SH3GLB1: variants seen among roughly 807,000 people sequenced by gnomAD.
The protein encoded by SH3GLB1 is SH3 domain containing GRB2 like, endophilin B1.
SH3GLB1 carries 17 observed loss-of-function variants against 42.0 expected under a neutral mutation model. The ratio of observed to expected loss-of-function variants is 0.40; its 90% confidence interval spans 0.28 to 0.61. The LOEUF (loss-of-function observed/expected upper bound fraction) is 0.61, where lower values mean the gene tolerates loss of function less well. Ranked by LOEUF, SH3GLB1 falls within the 20% of genes least tolerant of loss-of-function variation. The pLI is 0.36. For synonymous variants in SH3GLB1, 132 were observed against 146.6 expected, an observed-to-expected ratio of 0.90 and a Z score of 0.72; for missense variants, 355 against 426.3, an observed-to-expected ratio of 0.83 and a Z score of 1.47.
At chr1:86,740,744 C>T (rs377197737) in intron 7 of SH3GLB1, among the ~76,000 whole-genome samples, 2 of 152,002 alleles carry the variant, frequency 1.3e-5, no homozygotes, top group South Asian at 2.1e-4. Context: ...GAGAAGAGTT[C>T]GAGGATCTAA....
Position 86,722,667 on chromosome 1 carries a change from A to C in SH3GLB1, c.471A>C (p.Thr157=), listed in dbSNP as rs747802933. ...LRNFIEGDYK[T]IAKERKLLQN... ...ACTTTATAGAAGGAGATTACAAAAC[A>C]ATTGCTGTGAGTTGAAAAATGTCCC... The change falls in exon 4 of 9, where the codon ACA becomes ACC. Residue 157 remains threonine (T), a synonymous_variant. Transcript: ENST00000370558. 6.3e-7 allele frequency: 1 copy of C among 1,595,622 alleles called. No homozygotes were observed. Among genetic ancestry groups the C allele is most frequent in the Non-Finnish European group, 8.5e-7 (1 of 1,173,156 alleles).
At chr1:86,734,960 A>G (rs1299537925) in intron 6 of SH3GLB1, 119 bp from the exon 7 acceptor site, 3 of 736,152 alleles carry the variant, frequency 4.1e-6, no homozygotes, top group Non-Finnish European at 7.0e-6. Context: ...TAAGCCTTGT[A>G]GTAAAATGTT....
Position 86,746,379 on chromosome 1 carries a change from T to C in SH3GLB1, c.*3144T>C, listed in dbSNP as rs568045614. On this transcript the variant is annotated 3_prime_UTR_variant, in exon 9 of 9. Transcript: ENST00000370558. ...CCCAAACACCTGAAATTCTGAAATA[T>C]TGCCCTACTATTTAGCACTTTAAGC... 2.0e-5 allele frequency: 3 copies of C among 152,314 alleles called. No homozygotes were observed. The highest frequency in any genetic ancestry group is 7.2e-5 in the African/African-American group (3 of 41,560). 9.4% of individuals were successfully genotyped at this position (152,314 alleles called of 1,614,324 possible).
At chr1:86,741,215 A>T (rs1249132769) in intron 7 of SH3GLB1, among the ~76,000 whole-genome samples, 2 of 152,134 alleles carry the variant, frequency 1.3e-5, no homozygotes, top group Admixed American at 6.5e-5. Flanking sequence ...GAGGTTAAGG[A>T]TACAGGGAAT....
At chr1:86,707,282 G>T (rs940145372) in intron 1 of SH3GLB1, among the ~76,000 whole-genome samples, 2 of 152,062 alleles carry the variant, frequency 1.3e-5, no homozygotes, top group African/African-American at 4.8e-5. Context: ...GACAGACCTA[G>T]TTTTTTTTGG....
chr1:86,726,150 A>C (rs1042128701), intron 5 of SH3GLB1, among the ~76,000 whole-genome samples: 11 of 152,140 alleles, frequency 7.2e-5, no homozygotes, highest in Non-Finnish European at 1.3e-4. Flanking sequence ...TAGATATTTT[A>C]ACTGGGACAG....
chr1:86,735,968 T>C (rs1365502520), intron 7 of SH3GLB1, among the ~76,000 whole-genome samples: 2 of 152,144 alleles, frequency 1.3e-5, no homozygotes, highest in Admixed American at 1.3e-4. Flanking sequence ...TCTAGCAGAG[T>C]TTCCCAGGTG....
At chr1:86,709,281 A>G (rs1329449958) in intron 1 of SH3GLB1, among the ~76,000 whole-genome samples, 1 of 152,194 alleles carries the variant, frequency 6.6e-6, no homozygotes, top group Admixed American at 6.5e-5. Flanking sequence ...CTTTTATATC[A>G]TTTTAGCCAG....
intron 6 of SH3GLB1, 146 bp from the exon 7 acceptor site, chr1:86,734,933 A>G: frequency 1.5e-6 from 1 of 666,024 alleles, no homozygotes; most frequent in Non-Finnish European, 2.6e-6. Flanking sequence ...TGTACTATTC[A>G]CGAAGGCCAA....
chr1:86,707,574 T>A (rs955030350), intron 1 of SH3GLB1, among the ~76,000 whole-genome samples: 1 of 152,142 alleles, frequency 6.6e-6, no homozygotes, highest in African/African-American at 2.4e-5. Context: ...TGTCTGTAAT[T>A]GTTAGAGATA....
chr1:86,736,202 T>G (rs1467990498), intron 7 of SH3GLB1, among the ~76,000 whole-genome samples: 1 of 152,110 alleles, frequency 6.6e-6, no homozygotes, highest in Non-Finnish European at 1.5e-5. Context: ...TAAAGTAAGT[T>G]GTTGTAAGGA....
At chr1:86,714,926 C>G (rs1326645200) in intron 1 of SH3GLB1, among the ~76,000 whole-genome samples, 1 of 152,176 alleles carries the variant, frequency 6.6e-6, no homozygotes, top group Non-Finnish European at 1.5e-5. Context: ...GCTACCTTTT[C>G]TCAAATACCA....
At chr1:86,722,726 T>C in intron 4 of SH3GLB1, 53 bp downstream of exon 4, 1 of 1,439,116 alleles carries the variant, frequency 6.9e-7, no homozygotes, top group Non-Finnish European at 9.3e-7. Flanking sequence ...ATATATATAC[T>C]TTTTAATGAA....
intron 5 of SH3GLB1, among the ~76,000 whole-genome samples, chr1:86,732,903 T>C (rs1035011374): frequency 6.6e-6 from 1 of 152,170 alleles, no homozygotes; most frequent in African/African-American, 2.4e-5. Context: ...TAAACCGTAC[T>C]TTGACAATCA....
intron 7 of SH3GLB1, among the ~76,000 whole-genome samples, chr1:86,738,252 G>GTTTTGT (rs374999845): frequency 1.9e-5 from 2 of 103,154 alleles, no homozygotes; most frequent in African/African-American, 1.2e-4. Flanking sequence ...TTTTTTGTTT[G>GTTTTGT]TTTGTTTTGT....
Position 86,743,386 on chromosome 1 carries a change from C to T in SH3GLB1, c.*151C>T, listed in dbSNP as rs982538121. 7 of 424,890 alleles carry T rather than the reference C, an allele frequency of 1.6e-5. No homozygotes were observed. The South Asian group carries it at 2.3e-4, about 14-fold the overall frequency. 26.3% of individuals were successfully genotyped at this position (424,890 alleles called of 1,614,324 possible). On this transcript the variant is annotated 3_prime_UTR_variant, in exon 9 of 9. Transcript: ENST00000370558. ...ACTGGCCTTTCTGCCAATAAAGTTG[C>T]ATGGTAAATATTTCATTACAGAATT...
At position 86,743,307 on chromosome 1, in the gene SH3GLB1, T is replaced by G; in HGVS notation, c.*72T>G. 1 of 1,000,126 alleles carries G rather than the reference T, an allele frequency of 1.0e-6. No homozygotes were observed. Among genetic ancestry groups the G allele is most frequent in the Non-Finnish European group, 1.4e-6 (1 of 696,754 alleles). 62.0% of individuals were successfully genotyped at this position (1,000,126 alleles called of 1,614,324 possible). A position where few individuals can be genotyped will look rare whatever the true frequency, so the allele number is the denominator to read the frequency against. On this transcript the variant is annotated 3_prime_UTR_variant, in exon 9 of 9. Coordinates refer to ENST00000370558, the MANE Select transcript of SH3GLB1 (RefSeq NM_016009.5). ...TACAATTAACTCTAAATAAAGCAGG[T>G]TAAGTATCTTCCATGTTAATGTGTT...
chr1:86,740,430 G>T (rs888891577), intron 7 of SH3GLB1, among the ~76,000 whole-genome samples: 1 of 152,182 alleles, frequency 6.6e-6, no homozygotes, highest in African/African-American at 2.4e-5. Flanking sequence ...TAGATGCATG[G>T]ATACTGAATA....
chr1:86,723,578 A>G (rs1045441068), intron 4 of SH3GLB1, among the ~76,000 whole-genome samples: 1 of 151,726 alleles, frequency 6.6e-6, no homozygotes, highest in Non-Finnish European at 1.5e-5. Flanking sequence ...AATTTGACAT[A>G]TGGAATCTAA....
Sources: gnomAD v4.1 joint callset for allele counts (sites outside exome capture counted in the v4.1 genomes callset) on GRCh38, gnomAD v4.1.1 for gene constraint, MANE v1.5 for transcripts, NCBI Gene and HGNC (gene_info 2026-07-23, HGNC 2026-07-21) for gene names.